The following TMEM132B variants were observed in gnomAD, a reference collection of about 807,000 sequenced individuals.
TMEM132B encodes the protein transmembrane protein 132B.
Under a neutral mutation model 90.8 loss-of-function variants are expected in TMEM132B, and 18 were observed. The ratio of observed to expected loss-of-function variants is 0.20; its 90% CI spans 0.14 to 0.29. The LOEUF is 0.29. Among genes scored for constraint, TMEM132B ranks in the 10% least tolerant of loss-of-function variants. TMEM132B has a pLI of 1.00. For synonymous variants in TMEM132B, 504 were observed against 523.3 expected, an observed-to-expected ratio of 0.96 and a Z score of 0.50; for missense variants, 1,096 against 1,326.8, an observed-to-expected ratio of 0.83 and a Z score of 2.70.
chr12:125,263,675 C>A (rs754832614), intron 1 of TMEM132B, among the ~76,000 whole-genome samples: 1 of 152,118 alleles, frequency 6.6e-6, no homozygotes, highest in Non-Finnish European at 1.5e-5. Context: ...TGGTGTGTAT[C>A]TGAGATATGG....
At chr12:125,608,868 A>G (rs946871125) in intron 5 of TMEM132B, among the ~76,000 whole-genome samples, 4 of 151,512 alleles carry the variant, frequency 2.6e-5, no homozygotes, top group African/African-American at 9.7e-5. Flanking sequence ...AAAAAAAATC[A>G]ATGGACCATG....
In TMEM132B at chr12:125,650,761, A is replaced by G. The variant is rs765743153; in HGVS notation, c.1722A>G (p.Thr574=). The change falls in exon 7 of 9, where the codon ACA becomes ACG. Residue 574 remains threonine (T), a synonymous_variant. Coordinates refer to ENST00000682704, the MANE Select transcript of TMEM132B (RefSeq NM_001366854.1). ...GCTCCCTGCAGTACCAGCACGCCAC[A>G]GTGCGTGTCCTCACCCAGTTTGTGG... ...RGCSLQYQHA[T]VRVLTQFVAE... 5 of 1,614,252 alleles carry G rather than the reference A, an allele frequency of 3.1e-6. No homozygotes were observed. The highest frequency in any genetic ancestry group is 4.2e-6 in the Non-Finnish European group (5 of 1,180,040).
intron 5 of TMEM132B, among the ~76,000 whole-genome samples, chr12:125,597,640 G>C (rs78613338): frequency 0.038 from 5,826 of 152,214 alleles, 381 homozygotes; most frequent in African/African-American, 0.13. Flanking sequence ...CTCAATGAGA[G>C]CTCTCAAAGT....
intron 1 of TMEM132B, among the ~76,000 whole-genome samples, chr12:125,227,105 G>T (rs144201444): frequency 6.6e-6 from 1 of 152,276 alleles, no homozygotes; most frequent in African/African-American, 2.4e-5. Flanking sequence ...CCTTGGGGTG[G>T]GTTCACTCCA....
rs80241148 is a variant in TMEM132B, at chr12:125,636,159, T to G, written c.1438-7917T>G. Among the ~76,000 whole-genome samples, 1,120 of 152,238 alleles carry G rather than the reference T, an allele frequency of 7.4e-3. 12 individuals are homozygous for G. Among genetic ancestry groups the G allele is most frequent in the Non-Finnish European group, 0.011 (758 of 68,002 alleles). ...TTCCCATGAAGGTGCTTTTTTGGTG[T>G]GTAGATAGTTGTTAAATTGGTGTCC... is the stretch of plus-strand genomic sequence containing the variant. On this transcript the variant is annotated intron_variant, in intron 5 of 8. Coordinates refer to ENST00000682704, the MANE Select transcript of TMEM132B (RefSeq NM_001366854.1).
Position 125,654,375 on chromosome 12 carries a change from T to G in TMEM132B, c.2917T>G (p.Cys973Gly), listed in dbSNP as rs576457794. The G allele has an allele frequency of 6.2e-7, 1 of 1,612,744 alleles. No homozygotes were observed. The highest frequency in any genetic ancestry group is 1.3e-5 in the African/African-American group (1 of 74,892). ...PVDITLPSEE[C>G]TTMIDRGLQF... is the part of the protein sequence containing the mutation. The stretch of plus-strand genomic sequence containing the variant: ...TGACATTACACTCCCATCAGAGGAG[T>G]GCACAACCATGATAGACAGGGGCCT... Residue 973 changes from cysteine to glycine, a missense_variant, in exon 9 of 9, where the codon TGC becomes GGC. By Grantham distance (159) the Cys-to-Gly change is radical. Transcript: ENST00000682704. This position sits in a 1 kb window ranked among gnomAD's most constrained non-coding sequence, Gnocchi z 5.8.
intron 2 of TMEM132B, among the ~76,000 whole-genome samples, chr12:125,354,928 G>A (rs927910604): frequency 6.6e-6 from 1 of 152,068 alleles, no homozygotes; most frequent in African/African-American, 2.4e-5. Flanking sequence ...TACTAGTCAC[G>A]TCCATGTTAT....
intron 5 of TMEM132B, among the ~76,000 whole-genome samples, chr12:125,609,367 T>C (rs1362601394): frequency 1.3e-5 from 2 of 152,222 alleles, no homozygotes; most frequent in African/African-American, 4.8e-5. Context: ...TTTGTTCTTT[T>C]TCAAGGTTAT....
intron 3 of TMEM132B, among the ~76,000 whole-genome samples, chr12:125,504,369 T>C (rs7960315): frequency 0.49 from 74,563 of 151,822 alleles, 18,789 homozygotes; most frequent in Middle Eastern, 0.67. Context: ...CTGTCTCTCT[T>C]CCTCTCTTTC....
chr12:125,337,737 A>G (rs1053453108), intron 1 of TMEM132B, among the ~76,000 whole-genome samples: 8 of 151,982 alleles, frequency 5.3e-5, no homozygotes, highest in African/African-American at 1.5e-4. Flanking sequence ...GTTCTATGCT[A>G]TTTTCCCCTG....
chr12:125,319,268 C>G (rs1040241878), intron 1 of TMEM132B, among the ~76,000 whole-genome samples: 3 of 152,338 alleles, frequency 2.0e-5, no homozygotes, highest in Middle Eastern at 3.4e-3. Context: ...CTATGCACAA[C>G]ACACAGTAGA....
chr12:125,460,666 G>A lies in TMEM132B; in HGVS notation c.1106+44989G>A, dbSNP rs1225806687. 6.6e-6 allele frequency among the ~76,000 whole-genome samples: 1 copy of A among 152,172 alleles called. No homozygotes were observed. The highest frequency in any genetic ancestry group is 2.4e-5 in the African/African-American group (1 of 41,436). ...CATTGTTCTCAGCCCATAGACCAGA[G>A]TCAAAGGATGAAATAAAACAGTTGA... On this transcript the variant is annotated intron_variant, in intron 3 of 8. Coordinates refer to ENST00000682704, the MANE Select transcript of TMEM132B (RefSeq NM_001366854.1). The surrounding 1 kb of genome is among the most constrained non-coding windows in gnomAD (Gnocchi z 4.4).
At chr12:125,365,021 A>G (rs1479960804) in intron 2 of TMEM132B, among the ~76,000 whole-genome samples, 2 of 151,952 alleles carry the variant, frequency 1.3e-5, no homozygotes, top group Non-Finnish European at 2.9e-5. Context: ...TTAATGTGCT[A>G]GTCTATTAAT....
chr12:125,276,675 G>A (rs1874999477), intron 1 of TMEM132B, among the ~76,000 whole-genome samples: 1 of 152,208 alleles, frequency 6.6e-6, no homozygotes, highest in African/African-American at 2.4e-5. Flanking sequence ...CTGTTAAGCA[G>A]TGCTTGCCTA....
At chr12:125,211,295 A>T (rs1873312818) in intron 1 of TMEM132B, among the ~76,000 whole-genome samples, 1 of 152,076 alleles carries the variant, frequency 6.6e-6, no homozygotes, top group Non-Finnish European at 1.5e-5. Context: ...TTTCCCATGG[A>T]GTTGTTGGGT....
chr12:125,373,193 A>C (rs1219136289), intron 2 of TMEM132B, among the ~76,000 whole-genome samples: 4 of 152,246 alleles, frequency 2.6e-5, no homozygotes, highest in Non-Finnish European at 5.9e-5. Context: ...TGTGGCATGT[A>C]GCTGGGACTC....
At chr12:125,491,578 T>C (rs1882351001) in intron 3 of TMEM132B, among the ~76,000 whole-genome samples, 1 of 152,228 alleles carries the variant, frequency 6.6e-6, no homozygotes, top group African/African-American at 2.4e-5. Flanking sequence ...AAATTACTTC[T>C]GCAAGAGCTG....
intron 1 of TMEM132B, among the ~76,000 whole-genome samples, chr12:125,220,305 G>A (rs1873529108): frequency 6.6e-6 from 1 of 152,208 alleles, no homozygotes; most frequent in Non-Finnish European, 1.5e-5. Context: ...TCTGGGCTGA[G>A]GTTGTTCTTG....
chr12:125,366,540 G>C (rs572995232), intron 2 of TMEM132B, among the ~76,000 whole-genome samples: 23 of 152,316 alleles, frequency 1.5e-4, no homozygotes, highest in African/African-American at 5.3e-4. Flanking sequence ...AGCCATTAAT[G>C]AATCAGTCAC....
Sources: gnomAD v4.1 joint callset for allele counts (sites outside exome capture counted in the v4.1 genomes callset) on GRCh38, gnomAD v4.1.1 for gene constraint, Gnocchi (gnomAD v3.1) non-coding constraint, MANE v1.5 for transcripts, NCBI Gene and HGNC (gene_info 2026-07-23, HGNC 2026-07-21) for gene names.